Variants in SPAG6 observed in about 807,000 individuals in gnomAD.
SPAG6 encodes sperm-associated antigen 6.
A neutral mutation model predicts 58.5 loss-of-function variants in SPAG6; 49 were observed. The ratio of observed to expected loss-of-function variants is 0.84; its 90% CI spans 0.67 to 1.06. SPAG6 has a LOEUF of 1.06. Among genes scored for constraint, SPAG6 ranks in the 50% least tolerant of loss-of-function variants. SPAG6 has a pLI of 0.00. For synonymous variants in SPAG6, 233 were observed against 225.6 expected, an observed-to-expected ratio of 1.03 and a Z score of -0.29; for missense variants, 560 against 611.3, an observed-to-expected ratio of 0.92 and a Z score of 0.89.
chr10:22,360,971 T>A, intron 2 of SPAG6: 1 of 689,656 alleles, frequency 1.5e-6, no homozygotes, highest in Middle Eastern at 2.4e-4. Flanking sequence ...AAGAGAAACT[T>A]GTAGTTAGAA....
intron 4 of SPAG6, among the ~76,000 whole-genome samples, chr10:22,379,930 GACTACAGGC>G (rs1218019443): frequency 6.6e-6 from 1 of 151,198 alleles, no homozygotes; most frequent in Non-Finnish European, 1.5e-5. Context: ...GAGTAGCTGA[GACTACAGGC>G]ACGTGCCACC....
intron 2 of SPAG6, among the ~76,000 whole-genome samples, chr10:22,348,872 G>A (rs1050727718): frequency 5.3e-5 from 8 of 152,070 alleles, no homozygotes; most frequent in Admixed American, 2.0e-4. Flanking sequence ...TCACTCTGTC[G>A]CCCAGACTGG....
chr10:22,394,544 C>T (rs998367541), intron 8 of SPAG6, among the ~76,000 whole-genome samples: 5 of 152,078 alleles, frequency 3.3e-5, no homozygotes, highest in African/African-American at 1.2e-4. Flanking sequence ...AATTATGAAA[C>T]CATCACCACT....
At chr10:22,399,137 C>T (rs760447622) in intron 8 of SPAG6, among the ~76,000 whole-genome samples, 26 of 152,188 alleles carry the variant, frequency 1.7e-4, no homozygotes, top group Non-Finnish European at 2.8e-4. Context: ...GTCTTTTTAA[C>T]AACTTTATTG....
At chr10:22,351,206 C>T (rs1315037678) in intron 2 of SPAG6, among the ~76,000 whole-genome samples, 1 of 152,094 alleles carries the variant, frequency 6.6e-6, no homozygotes, top group Non-Finnish European at 1.5e-5. Flanking sequence ...ATGCAGAGGG[C>T]TAACTTTAAT....
rs138635115 is a variant in SPAG6 at position 22,356,783 on chromosome 10, G to A, written c.122-8070G>A. Among the ~76,000 whole-genome samples, 752 of 152,060 alleles carry A rather than the reference G, an allele frequency of 4.9e-3. 8 individuals are homozygous for A. The highest frequency in any genetic ancestry group is 0.017 in the African/African-American group (705 of 41,466). Reference sequence around the variant, plus strand: ...TCCAGGCTATCTTCATATCTGGCTCGGTAACTATGATAGTTTCCTAAGTGG... The same window carrying A: ...TCCAGGCTATCTTCATATCTGGCTCAGTAACTATGATAGTTTCCTAAGTGG... On this transcript the variant is annotated intron_variant, in intron 2 of 10. Transcript: ENST00000376624.
Sources: gnomAD v4.1 joint callset for allele counts (sites outside exome capture counted in the v4.1 genomes callset) on GRCh38, gnomAD v4.1.1 for gene constraint, MANE v1.5 for transcripts, NCBI Gene and HGNC (gene_info 2026-07-23, HGNC 2026-07-21) for gene names.